ZDHHC11: variants seen among roughly 807,000 people sequenced by gnomAD.
ZDHHC11 encodes the protein palmitoyltransferase ZDHHC11.
In ZDHHC11, 44 loss-of-function variants were observed where a neutral mutation model predicts 51.3. The ratio of observed to expected loss-of-function variants is 0.86; its 90% CI spans 0.67 to 1.10. The LOEUF (loss-of-function observed/expected upper bound fraction) is 1.10, where lower values mean the gene tolerates loss of function less well. Among genes scored for constraint, ZDHHC11 ranks in the 50% least tolerant of loss-of-function variants. ZDHHC11 has a pLI of 0.00. For missense variants in ZDHHC11, 400 were observed against 537.7 expected, an observed-to-expected ratio of 0.74 and a Z score of 2.53; for synonymous variants, 163 against 222.0, an observed-to-expected ratio of 0.73 and a Z score of 2.36.
chr5:824,881 T>G (rs975227703), intron 8 of ZDHHC11, among the ~76,000 whole-genome samples: 17 of 151,562 alleles, frequency 1.1e-4, no homozygotes, highest in African/African-American at 4.1e-4. Flanking sequence ...GAGCCTGCCT[T>G]GGGCATCTGC....
At chr5:815,073 G>C (rs1462966972) in intron 10 of ZDHHC11, among the ~76,000 whole-genome samples, 1 of 151,316 alleles carries the variant, frequency 6.6e-6, no homozygotes. Flanking sequence ...CTTGAAAGAG[G>C]TAATGGATGT....
rs1301507960 is a variant in ZDHHC11, at chr5:800,109, T to C, written c.*7+991A>G. On this transcript the variant is annotated intron_variant, in intron 12 of 12. Transcript: ENST00000283441. ...ACCCTCTTGTCCTCTAGGGTGCTGGTCAGGGCTGTGCTGCTGGGAGACCTT... is the reference window on the plus strand; with the variant it reads ...ACCCTCTTGTCCTCTAGGGTGCTGGCCAGGGCTGTGCTGCTGGGAGACCTT... Among the ~76,000 whole-genome samples, 6 of 151,506 alleles carry C rather than the reference T, an allele frequency of 4.0e-5. No homozygotes were observed. In the South Asian group the frequency reaches 1.3e-3, roughly 32 times the overall value.
intron 11 of ZDHHC11, among the ~76,000 whole-genome samples, chr5:809,210 G>C (rs1739761015): frequency 7.0e-6 from 1 of 142,980 alleles, no homozygotes; most frequent in African/African-American, 2.7e-5. Context: ...CATCACTCTG[G>C]TCTGCCGCAT....
chr5:818,754 G>A (rs527385856), intron 10 of ZDHHC11, among the ~76,000 whole-genome samples: 7 of 151,618 alleles, frequency 4.6e-5, no homozygotes, highest in South Asian at 2.1e-4. Context: ...TCAGCTACTC[G>A]GGAGGCTGAG....
intron 8 of ZDHHC11, chr5:824,184 C>T (rs1191286391): frequency 9.4e-6 from 4 of 424,050 alleles, no homozygotes; most frequent in Non-Finnish European, 1.9e-5. Flanking sequence ...TGCGGCCTGG[C>T]GTGGTGGCTC....
chr5:812,649 A>T (rs1315521934), intron 11 of ZDHHC11, among the ~76,000 whole-genome samples: 1 of 151,426 alleles, frequency 6.6e-6, no homozygotes, highest in East Asian at 1.9e-4. Context: ...AACTATGAGG[A>T]TTTAAAATGC....
Position 801,368 on chromosome 5 carries a change from T to G in ZDHHC11, c.1182-204A>C, listed in dbSNP as rs951181379. On this transcript the variant is annotated intron_variant, in intron 11 of 12. Coordinates refer to ENST00000283441, the MANE Select transcript of ZDHHC11 (RefSeq NM_024786.3). ...ACTGCACTGCTGAAAGAATGTTGCT[T>G]TTTTCTTCTGCATGTGTGCTGATAT... is the stretch of plus-strand genomic sequence containing the variant. Among the ~76,000 whole-genome samples the G allele has an allele frequency of 1.3e-4, 19 of 151,786 alleles. 1 individual carries two copies. The highest frequency in any genetic ancestry group is 2.2e-4 in the Non-Finnish European group (15 of 67,868).
At chr5:825,972 AG>A (rs1742310278) in intron 7 of ZDHHC11, among the ~76,000 whole-genome samples, 1 of 141,320 alleles carries the variant, frequency 7.1e-6, no homozygotes, top group African/African-American at 2.6e-5. Context: ...TCGGCCGCCG[AG>A]GACCTCCACA....
chr5:808,685 C>T (rs1275355288), intron 11 of ZDHHC11, among the ~76,000 whole-genome samples: 1 of 147,864 alleles, frequency 6.8e-6, no homozygotes, highest in African/African-American at 2.5e-5. Context: ...CAGGAGCATG[C>T]CATCAAACCT....
At chr5:817,031 C>A in intron 10 of ZDHHC11, 1 of 218,382 alleles carries the variant, frequency 4.6e-6, no homozygotes, top group Non-Finnish European at 9.9e-6. Flanking sequence ...TGCTGAATTA[C>A]TGCCCTGGGG....
intron 5 of ZDHHC11, among the ~76,000 whole-genome samples, chr5:838,958 T>G (rs1744342835): frequency 1.4e-5 from 2 of 146,272 alleles, no homozygotes; most frequent in Non-Finnish European, 1.5e-5. Flanking sequence ...CTGGGCAGTT[T>G]GAGCATCCCT....
chr5:850,455 C>A lies in ZDHHC11; in HGVS notation c.148G>T (p.Val50Leu). 3 of 1,613,634 alleles carry A rather than the reference C, an allele frequency of 1.9e-6. No individual in the cohort carries two copies. The highest frequency in any genetic ancestry group is 1.7e-6 in the Non-Finnish European group (2 of 1,180,018). ...CCGAAGGTGGCCGAGGAAAGGCCCA[C>A]GAAGACAGCCCAGGTCACCACCTGG... is the stretch of plus-strand genomic sequence containing the variant. ...YFQVVTWAVF[V>L]GLSSATFGIF... Residue 50 changes from valine to leucine, a missense_variant, in exon 1 of 13, where the codon GTG (valine) becomes TTG (leucine). Transcript: ENST00000283441.
intron 3 of ZDHHC11, among the ~76,000 whole-genome samples, chr5:846,230 C>A (rs1448696519): frequency 1.3e-5 from 2 of 151,246 alleles, no homozygotes; most frequent in Admixed American, 1.3e-4. Flanking sequence ...GTGCTCCAGA[C>A]GGGATGGCAG....
chr5:853,189 CA>C (rs1362484342), upstream of ZDHHC11, among the ~76,000 whole-genome samples: 3 of 135,782 alleles, frequency 2.2e-5, no homozygotes, highest in East Asian at 4.7e-4. Flanking sequence ...GACAGCGAGC[CA>C]GGGGGCAGAG....
intron 12 of ZDHHC11, among the ~76,000 whole-genome samples, chr5:796,858 T>C (rs1159453836): frequency 1.3e-5 from 2 of 152,230 alleles, no homozygotes; most frequent in Admixed American, 6.5e-5. Context: ...TTGTTCTTCT[T>C]CGGAAATACA....
intron 6 of ZDHHC11, among the ~76,000 whole-genome samples, chr5:836,098 AG>A (rs1177268039): frequency 6.7e-6 from 1 of 150,276 alleles, no homozygotes; most frequent in East Asian, 1.9e-4. Context: ...GTAGGAGGAA[AG>A]GGCGTCATCA....
At chr5:834,900 G>T (rs1184184243) in intron 6 of ZDHHC11, among the ~76,000 whole-genome samples, 1 of 151,892 alleles carries the variant, frequency 6.6e-6, no homozygotes, top group Non-Finnish European at 1.5e-5. Context: ...CATGTGACTT[G>T]TTTTACTGAC....
chr5:856,531 TCA>T (rs989939322), intron 1 of ZDHHC11, among the ~76,000 whole-genome samples: 27 of 132,754 alleles, frequency 2.0e-4, no homozygotes, highest in South Asian at 9.9e-4. Context: ...ACAAAACAGA[TCA>T]CACACCACAC....
chr5:840,590 G>A lies in ZDHHC11; in HGVS notation c.689C>T (p.Thr230Ile), dbSNP rs1328078238. The change falls in exon 5 of 13, where the codon ACC becomes ATC. Residue 230 changes from threonine (T) to isoleucine (I), a missense_variant. This residue lies in a region of ZDHHC11 where 231 missense variants were observed against 227.4 expected (regional missense o/e 1.02). Transcript: ENST00000283441. ...FLPLFPVQVQ[T>I]LIVVIIGMLV... ...CATCCCGATGATCACGACTATCAGG[G>A]TCTGCACCTGCACCGGGAACAGGGG... 1.2e-6 allele frequency: 2 copies of A among 1,613,910 alleles called. No homozygotes were observed. Among genetic ancestry groups the A allele is most frequent in the Admixed American group, 1.7e-5 (1 of 60,024 alleles).
Sources: gnomAD v4.1 joint callset for allele counts (sites outside exome capture counted in the v4.1 genomes callset) on GRCh38, gnomAD v4.1.1 for gene constraint, gnomAD v4.1.1 regional missense constraint, MANE v1.5 for transcripts, NCBI Gene and HGNC (gene_info 2026-07-23, HGNC 2026-07-21) for gene names.